LONRF1: variants seen among roughly 807,000 people sequenced by gnomAD.
The protein encoded by LONRF1 is LON peptidase N-terminal domain and RING finger protein 1.
In LONRF1, 37 loss-of-function variants were observed where a neutral mutation model predicts 85.8. That is an observed-to-expected ratio of 0.43 (90% CI 0.33 to 0.57). The LOEUF (loss-of-function observed/expected upper bound fraction) is 0.57, where lower values mean the gene tolerates loss of function less well. LONRF1 is among the 20% of genes least tolerant of loss of function. The probability of loss-of-function intolerance (pLI) is 0.04; values close to 1 mark genes in which losing one functional copy is unlikely to be tolerated. For synonymous variants in LONRF1, 517 were observed against 390.1 expected (o/e 1.33, Z -3.83); for missense variants, 1,036 against 978.0 (o/e 1.06, Z -0.79).
intron 1 of LONRF1, among the ~76,000 whole-genome samples, chr8:12,750,211 G>A (rs143069632): frequency 6.6e-6 from 1 of 152,142 alleles, no homozygotes; most frequent in Non-Finnish European, 1.5e-5. Flanking sequence ...GATCAATTAC[G>A]ATAATAGAAA....
chr8:12,753,211 CG>C (rs1342357483), intron 1 of LONRF1: 5 of 152,126 alleles, frequency 3.3e-5, no homozygotes, highest in Admixed American at 6.6e-5. Context: ...CAAAAATCTC[CG>C]GGGTTTGTGC....
chr8:12,739,341 C>CAAAAAAAAAAAAAAAAAAAAAAAAAAA (rs35823658), intron 3 of LONRF1, among the ~76,000 whole-genome samples: 1 of 106,108 alleles, frequency 9.4e-6, no homozygotes, highest in Non-Finnish European at 2.0e-5. Context: ...ATATGTTCAG[C>CAAAAAAAAAAAAAAAAAAAAAAAAAAA]AAAAAAAAAA....
At chr8:12,729,149 A>ATC (rs1467748058) in intron 9 of LONRF1, 25 bp downstream of exon 9, 1 of 1,612,408 alleles carries the variant, frequency 6.2e-7, no homozygotes, top group African/African-American at 1.3e-5. Flanking sequence ...ATAAATACAA[A>ATC]TATTTAGGTT....
chr8:12,745,550 A>C lies in LONRF1; in HGVS notation c.722-2268T>G, dbSNP rs191362405. 8.8e-3 allele frequency among the ~76,000 whole-genome samples: 1,334 copies of C among 152,320 alleles called. 9 individuals carry two copies. Among genetic ancestry groups the C allele is most frequent in the Non-Finnish European group, 0.012 (849 of 68,020 alleles). ...TGTATCATTAACTTAAGTTTGAAAG[A>C]GTCAACAAGTATTTACTGTATGCTC... On this transcript the variant is annotated intron_variant, in intron 1 of 11. Transcript: ENST00000398246.
intron 11 of LONRF1, 151 bp downstream of exon 11, chr8:12,725,576 A>G: frequency 1.3e-5 from 9 of 692,460 alleles, no homozygotes; most frequent in Non-Finnish European, 1.7e-5. Context: ...TAGAGAACTC[A>G]TGATTGCAAA....
intron 1 of LONRF1, among the ~76,000 whole-genome samples, chr8:12,746,328 C>CCACT (rs1488979111): frequency 6.6e-6 from 1 of 152,158 alleles, no homozygotes; most frequent in African/African-American, 2.4e-5. Context: ...ATGAACCTTC[C>CCACT]CACTCACTCA....
intron 1 of LONRF1, among the ~76,000 whole-genome samples, chr8:12,746,583 T>C (rs1040663408): frequency 1.3e-5 from 2 of 152,212 alleles, no homozygotes; most frequent in South Asian, 4.1e-4. Flanking sequence ...TTGGGGTAAA[T>C]TACAAGTAAT....
At chr8:12,751,894 T>C (rs932755165) in intron 1 of LONRF1, among the ~76,000 whole-genome samples, 2 of 152,146 alleles carry the variant, frequency 1.3e-5, no homozygotes, top group African/African-American at 4.8e-5. Context: ...TATCCCTGAA[T>C]ACTAAAAAGA....
At chr8:12,740,577 G>T (rs1374930079) in intron 3 of LONRF1, among the ~76,000 whole-genome samples, 1 of 152,158 alleles carries the variant, frequency 6.6e-6, no homozygotes, top group Non-Finnish European at 1.5e-5. Context: ...TTCTGAGCAG[G>T]AACATCGTGA....
At chr8:12,739,440 A>G (rs4831777) in intron 3 of LONRF1, among the ~76,000 whole-genome samples, 122,381 of 151,814 alleles carry the variant, frequency 0.81, 49,797 homozygotes, top group East Asian at 0.94. Flanking sequence ...CTCTACAGTG[A>G]CAAAAATCTG....
At chr8:12,734,457 T>C (rs1199043974) in intron 7 of LONRF1, among the ~76,000 whole-genome samples, 2 of 152,190 alleles carry the variant, frequency 1.3e-5, no homozygotes, top group Admixed American at 1.3e-4. Flanking sequence ...AGAATCACTT[T>C]CCCCAATCAA....
intron 6 of LONRF1, chr8:12,735,627 T>C: frequency 2.0e-6 from 1 of 496,440 alleles, no homozygotes. Flanking sequence ...GCCAAGGGCC[T>C]AGAGCTGTCC....
intron 1 of LONRF1, among the ~76,000 whole-genome samples, chr8:12,744,618 C>A (rs901886557): frequency 4.6e-5 from 7 of 152,132 alleles, no homozygotes; most frequent in African/African-American, 1.7e-4. Flanking sequence ...ATTTTACTGT[C>A]AAACAGCATC....
intron 11 of LONRF1, among the ~76,000 whole-genome samples, chr8:12,724,840 T>G (rs925315221): frequency 2.0e-5 from 3 of 152,238 alleles, no homozygotes; most frequent in African/African-American, 7.2e-5. Flanking sequence ...AATTTGGAGA[T>G]GGCCTAATGT....
chr8:12,753,803 G>GA (rs1256070322), intron 1 of LONRF1: 4 of 152,180 alleles, frequency 2.6e-5, no homozygotes, highest in Admixed American at 2.0e-4. Context: ...TGGAGACTAA[G>GA]AAATGCACTC....
chr8:12,740,825 T>C, intron 3 of LONRF1, 49 bp downstream of exon 3: 1 of 1,569,660 alleles, frequency 6.4e-7, no homozygotes, highest in Non-Finnish European at 8.6e-7. Flanking sequence ...TTTAAACCTG[T>C]CTGCCTCTTA....
At chr8:12,743,929 C>T (rs1294232398) in intron 1 of LONRF1, among the ~76,000 whole-genome samples, 1 of 152,150 alleles carries the variant, frequency 6.6e-6, no homozygotes, top group Non-Finnish European at 1.5e-5. Flanking sequence ...ATTTCACTAT[C>T]ATCCACATCT....
intron 11 of LONRF1, 95 bp from the exon 12 acceptor site, chr8:12,723,349 G>C: frequency 8.7e-7 from 1 of 1,152,656 alleles, no homozygotes; most frequent in Non-Finnish European, 1.2e-6. Context: ...TTGAGCACTT[G>C]TACTATGTGC....
rs1166091243 is a variant in LONRF1, at chr8:12,755,250, C to T, written c.171G>A (p.Leu57=). The change falls in exon 1 of 12, where the codon CTG becomes CTA. Residue 57 remains leucine (L), a synonymous_variant. Coordinates refer to ENST00000398246, the MANE Select transcript of LONRF1 (RefSeq NM_152271.5). ...RWELLLRRGE[L]LALGGHLKGA... ...CCTTCAGGTGGCCGCCCAGCGCCAG[C>T]AGCTCCCCGCGGCGGAGCAGCAGCT... 2 of 1,234,606 alleles carry T rather than the reference C, an allele frequency of 1.6e-6. No homozygotes were observed. Among genetic ancestry groups the T allele is most frequent in the East Asian group, 6.8e-5 (2 of 29,602 alleles). 76.5% of individuals were successfully genotyped at this position (1,234,606 alleles called of 1,614,324 possible).
Sources: allele counts gnomAD v4.1 joint callset (sites outside exome capture counted in the v4.1 genomes callset), GRCh38; gene constraint gnomAD v4.1.1; transcripts MANE v1.5; gene names NCBI Gene and HGNC (gene_info 2026-07-23, HGNC 2026-07-21).